The following PNKD variants were observed in gnomAD, a reference collection of about 807,000 sequenced individuals.
The protein encoded by PNKD is PNKD metallo-beta-lactamase domain containing.
PNKD carries 36 observed loss-of-function variants against 45.3 expected under a neutral mutation model. The observed-to-expected ratio is 0.80, with a 90% CI of 0.61 to 1.05. PNKD has a LOEUF of 1.05. PNKD is among the 50% of genes least tolerant of loss of function. The pLI is 0.00. For missense variants in PNKD, 511 were observed against 506.6 expected, an observed-to-expected ratio of 1.01 and a Z score of -0.08; for synonymous variants, 197 against 210.1, an observed-to-expected ratio of 0.94 and a Z score of 0.54.
At chr2:218,319,568 G>T (rs551237911) in intron 2 of PNKD, among the ~76,000 whole-genome samples, 3 of 151,748 alleles carry the variant, frequency 2.0e-5, no homozygotes, top group African/African-American at 4.8e-5. Context: ...TAGAGACAGG[G>T]TTTCACTGTA....
At chr2:218,303,774 C>T (rs1693335720) in intron 2 of PNKD, among the ~76,000 whole-genome samples, 1 of 151,930 alleles carries the variant, frequency 6.6e-6, no homozygotes, top group African/African-American at 2.4e-5. Context: ...TGGGGTTTCA[C>T]CATCTTGGCC....
intron 2 of PNKD, among the ~76,000 whole-genome samples, chr2:218,300,350 C>G (rs1033845824): frequency 1.3e-5 from 2 of 152,162 alleles, no homozygotes; most frequent in Non-Finnish European, 2.9e-5. Flanking sequence ...TCCTCTGCAG[C>G]CTCACTCTCA....
chr2:218,277,250 G>T, intron 2 of PNKD: 1 of 1,168,416 alleles, frequency 8.6e-7, no homozygotes, highest in Non-Finnish European at 1.3e-6. Flanking sequence ...CAGTTTTGTA[G>T]GTGCGGATGA....
At chr2:218,305,713 C>T (rs1406623030) in intron 2 of PNKD, among the ~76,000 whole-genome samples, 2 of 152,136 alleles carry the variant, frequency 1.3e-5, no homozygotes, top group East Asian at 3.9e-4. Context: ...GTGCCCCCTT[C>T]CGCCCCCACC....
chr2:218,311,710 C>T (rs1693620722), intron 2 of PNKD, among the ~76,000 whole-genome samples: 1 of 152,174 alleles, frequency 6.6e-6, no homozygotes, highest in Admixed American at 6.5e-5. Flanking sequence ...TACACCGAGA[C>T]ATTCCATTCC....
chr2:218,309,690 G>A (rs2106259258), intron 2 of PNKD, among the ~76,000 whole-genome samples: 1 of 152,006 alleles, frequency 6.6e-6, no homozygotes, highest in South Asian at 2.1e-4. Context: ...CCAGCACTTT[G>A]GGAGGCCGAG....
intron 2 of PNKD, chr2:218,278,500 G>A (rs766469838): frequency 3.7e-6 from 6 of 1,613,772 alleles, no homozygotes; most frequent in Middle Eastern, 1.7e-4. Flanking sequence ...ACTGTGTTAA[G>A]TCTCTGGGAC....
chr2:218,339,320 G>A (rs529092370), intron 2 of PNKD, among the ~76,000 whole-genome samples: 1 of 151,910 alleles, frequency 6.6e-6, no homozygotes, highest in Non-Finnish European at 1.5e-5. Flanking sequence ...GTGCAGTGGT[G>A]CGATGCCCAA....
intron 2 of PNKD, among the ~76,000 whole-genome samples, chr2:218,294,907 G>A (rs1205116828): frequency 2.0e-5 from 3 of 152,110 alleles, no homozygotes; most frequent in African/African-American, 7.2e-5. Context: ...TGAATGGAGT[G>A]GGGACAACAA....
chr2:218,325,038 C>T (rs1326146974), intron 2 of PNKD, among the ~76,000 whole-genome samples: 2 of 100,332 alleles, frequency 2.0e-5, no homozygotes, highest in Non-Finnish European at 3.6e-5. Flanking sequence ...GACGGAGTCT[C>T]GCTCTGTCAC....
At chr2:218,335,239 T>C (rs1266255272) in intron 2 of PNKD, among the ~76,000 whole-genome samples, 1 of 152,186 alleles carries the variant, frequency 6.6e-6, no homozygotes, top group Non-Finnish European at 1.5e-5. Flanking sequence ...CCCAGCACTT[T>C]GGGAGACTGA....
chr2:218,309,181 G>A (rs557291834), intron 2 of PNKD, among the ~76,000 whole-genome samples: 5 of 152,036 alleles, frequency 3.3e-5, no homozygotes, highest in Admixed American at 6.6e-5. Context: ...CATATTTTTC[G>A]TAGAAATGGG....
At chr2:218,309,796 G>T (rs1042758847) in intron 2 of PNKD, among the ~76,000 whole-genome samples, 1 of 151,988 alleles carries the variant, frequency 6.6e-6, no homozygotes, top group East Asian at 1.9e-4. Flanking sequence ...TTAGCCGAGC[G>T]TGGTGGTGCA....
intron 2 of PNKD, chr2:218,274,483 C>G (rs1320711292): frequency 1.3e-5 from 2 of 154,066 alleles, no homozygotes; most frequent in Non-Finnish European, 2.9e-5. Context: ...AGGACCCTCC[C>G]TGGGTTAGCA....
intron 2 of PNKD, chr2:218,272,527 C>G: frequency 1.2e-6 from 2 of 1,607,470 alleles, no homozygotes; most frequent in African/African-American, 1.3e-5. Flanking sequence ...CTGGCTCAGG[C>G]TTGGCCCCTC....
At chr2:218,279,519 T>C in intron 2 of PNKD, 1 of 566,812 alleles carries the variant, frequency 1.8e-6, no homozygotes, top group Non-Finnish European at 3.1e-6. Context: ...TGTGCACTTC[T>C]TCCTCAGCCC....
intron 2 of PNKD, chr2:218,281,812 T>A (rs1158173026): frequency 7.2e-6 from 6 of 830,334 alleles, no homozygotes; most frequent in East Asian, 2.8e-5. Flanking sequence ...GAGGGAGAGA[T>A]CTCAACAGAG....
intron 2 of PNKD, chr2:218,282,266 G>A: frequency 1.3e-6 from 1 of 795,434 alleles, no homozygotes; most frequent in South Asian, 2.2e-5. Flanking sequence ...CCTTGTCCAG[G>A]CTGCCTCCGT....
rs202190131 is a variant in PNKD, at chr2:218,339,877, A to G, written c.331A>G (p.Thr111Ala). Reference protein sequence around the residue: ...RNRYPKGHSKTQPRLFNGVKV... With the variant: ...RNRYPKGHSKAQPRLFNGVKV... ...TCGCTACCCTAAAGGCCACTCGAAA[A>G]CCCAGCCCCGCCTCTTCAATGGTGA... The change falls in exon 3 of 10, where the codon ACC (threonine) becomes GCC (alanine). Residue 111 changes from threonine (T) to alanine (A), a missense_variant. Transcript: ENST00000273077. 267 of 1,548,744 alleles carry G rather than the reference A, an allele frequency of 1.7e-4. 2 individuals carry two copies. The East Asian group carries it at 5.1e-3, about 30-fold the overall frequency.
Sources: gnomAD v4.1 joint callset for allele counts (sites outside exome capture counted in the v4.1 genomes callset) on GRCh38, gnomAD v4.1.1 for gene constraint, MANE v1.5 for transcripts, NCBI Gene and HGNC (gene_info 2026-07-23, HGNC 2026-07-21) for gene names.